CACNA1C: variants seen among roughly 807,000 people sequenced by gnomAD.
The protein encoded by CACNA1C is voltage-dependent L-type calcium channel subunit alpha-1C.
In CACNA1C, 30 loss-of-function variants were observed where a neutral mutation model predicts 229.0. The ratio of observed to expected loss-of-function variants is 0.13; its 90% CI spans 0.10 to 0.18. CACNA1C has a LOEUF of 0.18. CACNA1C is among the 10% of genes least tolerant of loss of function. The probability of loss-of-function intolerance (pLI) is 1.00; values close to 1 mark genes in which losing one functional copy is unlikely to be tolerated. For missense variants in CACNA1C, 1,658 were observed against 2,845.0 expected, an observed-to-expected ratio of 0.58 and a Z score of 9.49; for synonymous variants, 1,114 against 1,132.5, an observed-to-expected ratio of 0.98 and a Z score of 0.33.
Position 2,053,913 on chromosome 12 carries a change from G to T in CACNA1C, c.49+302G>T, listed in dbSNP as rs903874813. Reference sequence around the variant, plus strand: ...AAAAGTTCCCCAAGTGGCTGCCGCCGCCTCGCTTTCTCGCGTCCGCCTGGA... The same window carrying T: ...AAAAGTTCCCCAAGTGGCTGCCGCCTCCTCGCTTTCTCGCGTCCGCCTGGA... On this transcript the variant is annotated intron_variant, in intron 1 of 46. Transcript: ENST00000399655. The surrounding 1 kb of genome is among the most constrained non-coding windows in gnomAD (Gnocchi z 5.8). Among the ~76,000 whole-genome samples the T allele has an allele frequency of 6.7e-6, 1 of 150,302 alleles. No individual in the cohort carries two copies. Among genetic ancestry groups the T allele is most frequent in the Non-Finnish European group, 1.5e-5 (1 of 67,390 alleles).
intron 1 of CACNA1C, among the ~76,000 whole-genome samples, chr12:2,060,453 AGACTCAGCCCATG>A (rs2057042088): frequency 6.6e-6 from 1 of 152,216 alleles, no homozygotes; most frequent in Non-Finnish European, 1.5e-5. Flanking sequence ...CAGTGGTGGT[AGACTCAGCCCATG>A]GAAGAGAATC....
intron 3 of CACNA1C, among the ~76,000 whole-genome samples, chr12:2,438,220 G>GGTGGTT (rs1471400110): frequency 1.4e-5 from 2 of 147,774 alleles, no homozygotes; most frequent in Admixed American, 6.7e-5. Context: ...TGGTGGTGGT[G>GGTGGTT]GTGGTTGTGA....
rs2097653002 is a variant in CACNA1C, at chr12:2,688,740, G to A, written c.6078G>A (p.Gly2026=). Residue 2026 remains glycine, a synonymous_variant, in exon 46 of 47, where the codon GGG becomes GGA. Transcript: ENST00000399655. ...TGCCCAGCCAGGCTGGGGCCCCAGG[G>A]AGGCAGTTCCACGGCAGTGCCAGCA... The part of the protein sequence containing the change: ...LMVPSQAGAP[G]RQFHGSASSL... The A allele has an allele frequency of 3.1e-6, 5 of 1,592,086 alleles. No individual in the cohort carries two copies. The highest frequency in any genetic ancestry group is 2.7e-5 in the African/African-American group (2 of 74,474).
Position 2,486,514 on chromosome 12 carries a change from T to G in CACNA1C, c.916+252T>G, listed in dbSNP as rs989081002. 6.6e-6 allele frequency among the ~76,000 whole-genome samples: 1 copy of G among 152,208 alleles called. No individual in the cohort carries two copies. Among genetic ancestry groups the G allele is most frequent in the African/African-American group, 2.4e-5 (1 of 41,446 alleles). Reference sequence around the variant, plus strand: ...CAGCACTTTTCAATAAGCTACACAATTTGAGAAACATTTGAATAACTTAGA... The same window carrying G: ...CAGCACTTTTCAATAAGCTACACAAGTTGAGAAACATTTGAATAACTTAGA... On this transcript the variant is annotated intron_variant, in intron 6 of 46. Coordinates refer to ENST00000399655, the MANE Select transcript of CACNA1C (RefSeq NM_000719.7). This position sits in a 1 kb window ranked among gnomAD's most constrained non-coding sequence, Gnocchi z 4.9.
intron 3 of CACNA1C, among the ~76,000 whole-genome samples, chr12:2,144,703 G>T (rs2094556565): frequency 6.6e-6 from 1 of 151,342 alleles, no homozygotes; most frequent in Admixed American, 6.6e-5. Context: ...CATGGAAGCG[G>T]GGGCTGTCTC....
chr12:2,169,307 A>G (rs536390214), intron 3 of CACNA1C, among the ~76,000 whole-genome samples: 1 of 152,316 alleles, frequency 6.6e-6, no homozygotes, highest in South Asian at 2.1e-4. Flanking sequence ...AGAGCTGACT[A>G]AATGATATTG....
intron 3 of CACNA1C, among the ~76,000 whole-genome samples, chr12:2,158,178 T>C (rs2095648251): frequency 6.6e-6 from 1 of 152,234 alleles, no homozygotes; most frequent in African/African-American, 2.4e-5. Context: ...AGGATATTAG[T>C]ATCCAGATTG....
rs149976225 is a variant in CACNA1C, at chr12:2,102,745, C to A, written c.50-12479C>A. On this transcript the variant is annotated intron_variant, in intron 1 of 46. Coordinates refer to ENST00000399655, the MANE Select transcript of CACNA1C (RefSeq NM_000719.7). ...CTATCCCTCCCCTATCCCCGTACTC[C>A]CCGAAAGGCCCTGGTGTATGATGTT... Among the ~76,000 whole-genome samples the A allele has an allele frequency of 5.0e-3, 759 of 152,240 alleles. 4 individuals carry two copies. Among genetic ancestry groups the A allele is most frequent in the African/African-American group, 0.017 (708 of 41,506 alleles).
At chr12:2,543,716 T>C (rs2099876291) in intron 9 of CACNA1C, among the ~76,000 whole-genome samples, 1 of 152,174 alleles carries the variant, frequency 6.6e-6, no homozygotes. Context: ...TCCAGGGAGA[T>C]GATTTAGTTG....
Position 2,106,941 on chromosome 12 carries a change from G to A in CACNA1C, c.50-8283G>A, listed in dbSNP as rs1278086888. ...GGAGGGTTTCCACCTCAGCTGGGGC[G>A]TCCTGAAGCCACTGGGCGCCCACCC... On this transcript the variant is annotated intron_variant, in intron 1 of 46. Transcript: ENST00000399655. 8.4e-4 allele frequency among the ~76,000 whole-genome samples: 65 copies of A among 77,104 alleles called. 2 individuals are homozygous for A. The highest frequency in any genetic ancestry group is 1.7e-3 in the African/African-American group (38 of 22,690). The allele number at this position is 77,104 out of a possible 152,430, so 50.6% of individuals were successfully genotyped here.
chr12:2,272,813 T>C lies in CACNA1C; in HGVS notation c.477+152383T>C, dbSNP rs944541322. Among the ~76,000 whole-genome samples the C allele has an allele frequency of 3.3e-5, 5 of 152,216 alleles. No individual in the cohort carries two copies. The South Asian group carries it at 8.3e-4, about 25-fold the overall frequency. On this transcript the variant is annotated intron_variant, in intron 3 of 46. Transcript: ENST00000399655. ...TTCTATGACTAGTGCTACGTTACAT[T>C]TATCCGTTCTATTGGACACATGTTC...
At chr12:2,143,924 T>C (rs1200455813) in intron 3 of CACNA1C, among the ~76,000 whole-genome samples, 2 of 150,408 alleles carry the variant, frequency 1.3e-5, no homozygotes, top group African/African-American at 4.9e-5. Flanking sequence ...CACCCAGTGC[T>C]ATTTACATGC....
intron 9 of CACNA1C, among the ~76,000 whole-genome samples, chr12:2,539,949 G>A (rs1020282645): frequency 4.6e-5 from 7 of 152,012 alleles, no homozygotes; most frequent in South Asian, 4.1e-4. Context: ...ATCTGTTACC[G>A]GTAAAGGCTG....
chr12:2,565,301 A>G (rs941429036), intron 11 of CACNA1C, among the ~76,000 whole-genome samples: 24 of 151,438 alleles, frequency 1.6e-4, no homozygotes, highest in Non-Finnish European at 1.0e-4. Context: ...ACCCGTCTCT[A>G]CTAAAAATAC....
rs1290122723 is a variant in CACNA1C at position 2,595,898 on chromosome 12, T to G, written c.2688T>G (p.Ile896Met). ...NNRFRLQCHRIVNDTIFTNLI... is the reference protein window; with the variant it reads ...NNRFRLQCHRMVNDTIFTNLI... ...GGTTTCGCCTCCAGTGCCACCGCAT[T>G]GTCAATGACACGATCTTCACCAACC... The change falls in exon 20 of 47, where the codon ATT (isoleucine) becomes ATG (methionine). Residue 896 changes from isoleucine to methionine, a missense_variant. Physicochemically the swap from Ile to Met is conservative, Grantham distance 10. Transcript: ENST00000399655. This position sits in a 1 kb window ranked among gnomAD's most constrained non-coding sequence, Gnocchi z 4.1. 6.2e-6 allele frequency: 10 copies of G among 1,613,538 alleles called. No homozygotes were observed. The highest frequency in any genetic ancestry group is 8.5e-6 in the Non-Finnish European group (10 of 1,179,802).
chr12:2,329,650 G>A (rs1745153139), intron 3 of CACNA1C, among the ~76,000 whole-genome samples: 1 of 152,164 alleles, frequency 6.6e-6, no homozygotes, highest in South Asian at 2.1e-4. Context: ...AACCGTTTTT[G>A]CTGCTATAGA....
At chr12:2,417,740 G>A (rs988014735) in intron 3 of CACNA1C, among the ~76,000 whole-genome samples, 2 of 152,172 alleles carry the variant, frequency 1.3e-5, no homozygotes, top group Non-Finnish European at 1.5e-5. Context: ...CCCTTGAGAA[G>A]TGAGTGATGT....
At chr12:2,271,660 G>C (rs959728898) in intron 3 of CACNA1C, among the ~76,000 whole-genome samples, 1 of 152,156 alleles carries the variant, frequency 6.6e-6, no homozygotes, top group Non-Finnish European at 1.5e-5. Context: ...AGCATTTAGG[G>C]AGGCCGAGGC....
chr12:2,660,844 A>G (rs2095679663), intron 34 of CACNA1C: 1 of 152,066 alleles, frequency 6.6e-6, no homozygotes, highest in African/African-American at 2.4e-5. Flanking sequence ...AATATAAGGA[A>G]GAGGTTAAAC....
Sources: allele counts gnomAD v4.1 joint callset (sites outside exome capture counted in the v4.1 genomes callset), GRCh38; gene constraint gnomAD v4.1.1; non-coding constraint Gnocchi (gnomAD v3.1); transcripts MANE v1.5; gene names NCBI Gene and HGNC (gene_info 2026-07-23, HGNC 2026-07-21).